The following FBXL7 variants were observed in gnomAD, a reference collection of about 807,000 sequenced individuals.
The protein encoded by FBXL7 is F-box/LRR-repeat protein 7.
A neutral mutation model predicts 38.3 loss-of-function variants in FBXL7; 12 were observed. The observed-to-expected ratio is 0.31, with a 90% CI of 0.20 to 0.51. The LOEUF (loss-of-function observed/expected upper bound fraction) is 0.51. Ranked by LOEUF, FBXL7 falls within the 20% of genes least tolerant of loss-of-function variation. FBXL7 has a pLI of 0.98. For synonymous variants in FBXL7, 297 were observed against 300.9 expected, an observed-to-expected ratio of 0.99 and a Z score of 0.13; for missense variants, 567 against 676.4, an observed-to-expected ratio of 0.84 and a Z score of 1.79.
intron 2 of FBXL7, among the ~76,000 whole-genome samples, chr5:15,903,517 A>G (rs1437610483): frequency 2.0e-5 from 3 of 152,188 alleles, no homozygotes; most frequent in Non-Finnish European, 1.5e-5. Context: ...AATTTATTCC[A>G]ACTGACATTT....
Position 15,501,706 on chromosome 5 carries a change from G to A in FBXL7, c.37+993G>A. ...CTCTTATCATCCTGTTCGAAACTTT[G>A]AGCTGTGGCCACAGAATGTGGGTGT... On this transcript the variant is annotated intron_variant, in intron 1 of 3. Transcript: ENST00000504595. The A allele has an allele frequency of 6.1e-6, 6 of 985,422 alleles. No individual in the cohort carries two copies. In the South Asian group the frequency reaches 2.8e-4, roughly 46 times the overall value. 61.0% of individuals were successfully genotyped at this position (985,422 alleles called of 1,614,324 possible).
chr5:15,899,309 G>A (rs1336532395), intron 2 of FBXL7, among the ~76,000 whole-genome samples: 8 of 152,058 alleles, frequency 5.3e-5, no homozygotes, highest in Non-Finnish European at 4.4e-5. Context: ...CAGGTGATCC[G>A]CCTGCCTCGG....
rs961860620 is a variant in FBXL7, at chr5:15,742,881, T to C, written c.127+126809T>C. On this transcript the variant is annotated intron_variant, in intron 2 of 3. Coordinates refer to ENST00000504595, the MANE Select transcript of FBXL7 (RefSeq NM_012304.5). ...GCAAAAGGGAAAGTAAACACATCCT[T>C]CTTCACATGGCGGCAGCAAGGAGAA... Among the ~76,000 whole-genome samples, 5 of 152,142 alleles carry C rather than the reference T, an allele frequency of 3.3e-5. No homozygotes were observed. In the East Asian group the frequency reaches 7.7e-4, roughly 23 times the overall value.
intron 2 of FBXL7, among the ~76,000 whole-genome samples, chr5:15,641,488 C>T (rs1288294963): frequency 6.7e-6 from 1 of 150,198 alleles, no homozygotes; most frequent in Non-Finnish European, 1.5e-5. Flanking sequence ...TCCCTCATAA[C>T]AGTTATGACT....
chr5:15,529,227 G>T (rs534014607), intron 1 of FBXL7, among the ~76,000 whole-genome samples: 1 of 152,070 alleles, frequency 6.6e-6, no homozygotes, highest in East Asian at 1.9e-4. Flanking sequence ...AAGTTTATTC[G>T]TGTTGTCACG....
At chr5:15,703,232 GAAAT>G (rs1291444194) in intron 2 of FBXL7, among the ~76,000 whole-genome samples, 3 of 152,052 alleles carry the variant, frequency 2.0e-5, no homozygotes, top group Non-Finnish European at 4.4e-5. Flanking sequence ...TTTTAGTATT[GAAAT>G]AAATAACTCA....
intron 2 of FBXL7, among the ~76,000 whole-genome samples, chr5:15,733,670 T>C (rs1735672363): frequency 6.6e-6 from 1 of 152,158 alleles, no homozygotes; most frequent in African/African-American, 2.4e-5. Flanking sequence ...TTGTGGAGGG[T>C]GAATGCAGTG....
intron 2 of FBXL7, among the ~76,000 whole-genome samples, chr5:15,670,052 T>C (rs1266704718): frequency 6.6e-6 from 1 of 152,278 alleles, no homozygotes; most frequent in East Asian, 1.9e-4. Flanking sequence ...GCCATCAAGA[T>C]AGTATGTAGC....
At chr5:15,658,589 T>C (rs532833794) in intron 2 of FBXL7, among the ~76,000 whole-genome samples, 1 of 152,238 alleles carries the variant, frequency 6.6e-6, no homozygotes, top group Admixed American at 6.5e-5. Flanking sequence ...ATCGGGAGAC[T>C]CATGTCTCCA....
intron 2 of FBXL7, among the ~76,000 whole-genome samples, chr5:15,854,417 T>A (rs931243237): frequency 5.3e-5 from 8 of 152,210 alleles, no homozygotes; most frequent in African/African-American, 1.9e-4. Flanking sequence ...GAAGTCTGTC[T>A]GGGTAATCTT....
intron 2 of FBXL7, among the ~76,000 whole-genome samples, chr5:15,787,959 A>G (rs1737173323): frequency 6.6e-6 from 1 of 152,202 alleles, no homozygotes; most frequent in Non-Finnish European, 1.5e-5. Context: ...TGAACTAAAA[A>G]TGTCAACAGT....
chr5:15,675,855 C>G (rs1742638055), intron 2 of FBXL7, among the ~76,000 whole-genome samples: 1 of 152,074 alleles, frequency 6.6e-6, no homozygotes, highest in African/African-American at 2.4e-5. Context: ...TGTGTTATTC[C>G]TTAATTATTT....
intron 2 of FBXL7, among the ~76,000 whole-genome samples, chr5:15,808,468 C>T (rs1369703476): frequency 6.6e-6 from 1 of 152,100 alleles, no homozygotes; most frequent in Non-Finnish European, 1.5e-5. Context: ...GGACTTACCC[C>T]GTTCTCATCT....
Position 15,938,852 on chromosome 5 carries a change from T to G in FBXL7, c.*1666T>G, listed in dbSNP as rs995784437. On this transcript the variant is annotated 3_prime_UTR_variant, in exon 4 of 4. Transcript: ENST00000504595. ...TGCTGGTTTTCACGAAATTCACTTG[T>G]CTTTTGCTAATAAACACATGGCCCT... 2.5e-6 allele frequency: 1 copy of G among 397,150 alleles called. No individual in the cohort carries two copies. The highest frequency in any genetic ancestry group is 4.4e-6 in the Non-Finnish European group (1 of 225,670). 24.6% of individuals were successfully genotyped at this position (397,150 alleles called of 1,614,324 possible). A position where few individuals can be genotyped will look rare whatever the true frequency, so the allele number is the denominator to read the frequency against.
rs55792048 is a variant in FBXL7 at position 15,900,052 on chromosome 5, G to C, written c.128-27838G>C. Among the ~76,000 whole-genome samples, 1,049 of 152,106 alleles carry C rather than the reference G, an allele frequency of 6.9e-3. 18 individuals are homozygous for C. Among genetic ancestry groups the C allele is most frequent in the African/African-American group, 0.024 (995 of 41,490 alleles). ...CCAACTCAGGTTCTCAGCTTGGTCA[G>C]CTCAATTTTTTTTTTTTCTTCCAGC... On this transcript the variant is annotated intron_variant, in intron 2 of 3. Transcript: ENST00000504595.
intron 2 of FBXL7, among the ~76,000 whole-genome samples, chr5:15,654,562 G>T (rs1448937210): frequency 6.6e-6 from 1 of 152,078 alleles, no homozygotes; most frequent in Non-Finnish European, 1.5e-5. Context: ...TTACTAATGG[G>T]TCATTTTTGT....
At chr5:15,749,765 C>A (rs1736109378) in intron 2 of FBXL7, among the ~76,000 whole-genome samples, 1 of 152,152 alleles carries the variant, frequency 6.6e-6, no homozygotes, top group African/African-American at 2.4e-5. Context: ...ATCTGAGTGC[C>A]CTGTGGCTTG....
At chr5:15,864,093 T>G (rs1220534898) in intron 2 of FBXL7, among the ~76,000 whole-genome samples, 1 of 152,056 alleles carries the variant, frequency 6.6e-6, no homozygotes. Context: ...TTAACATGAG[T>G]GTCTAGGTAT....
At chr5:15,692,460 G>A (rs1162967010) in intron 2 of FBXL7, among the ~76,000 whole-genome samples, 2 of 152,102 alleles carry the variant, frequency 1.3e-5, no homozygotes, top group Non-Finnish European at 2.9e-5. Context: ...TCTTTTACAA[G>A]CTATTCATTT....
Sources: gnomAD v4.1 joint callset for allele counts (sites outside exome capture counted in the v4.1 genomes callset) on GRCh38, gnomAD v4.1.1 for gene constraint, MANE v1.5 for transcripts, NCBI Gene and HGNC (gene_info 2026-07-23, HGNC 2026-07-21) for gene names.